GRIK2: variants seen among roughly 807,000 people sequenced by gnomAD.
GRIK2 encodes glutamate ionotropic receptor kainate type subunit 2.
GRIK2 carries 32 observed loss-of-function variants against 100.3 expected under a neutral mutation model. The observed-to-expected ratio is 0.32, with a 90% confidence interval of 0.24 to 0.43. The LOEUF is 0.43. Among genes scored for constraint, GRIK2 ranks in the 20% least tolerant of loss-of-function variants. The pLI, the probability that GRIK2 is intolerant of heterozygous loss-of-function variation, is 1.00. For missense variants in GRIK2, 843 were observed against 1,114.9 expected (o/e 0.76, Z 3.47); for synonymous variants, 417 against 389.4 (o/e 1.07, Z -0.83).
Position 101,594,281 on chromosome 6 carries a change from G to A in GRIK2, c.116-27668G>A, listed in dbSNP as rs565674650. Among the ~76,000 whole-genome samples, 10 of 151,854 alleles carry A rather than the reference G, an allele frequency of 6.6e-5. No homozygotes were observed. The South Asian group carries it at 1.9e-3, about 28-fold the overall frequency. On this transcript the variant is annotated intron_variant, in intron 2 of 16. Coordinates refer to ENST00000369134, the MANE Select transcript of GRIK2 (RefSeq NM_021956.5). Reference sequence around the variant, plus strand: ...AATGGGGTTGGAATAGATGATCTCCGAATTTTCTTTCAGAGAGTAAATACA... The same window carrying A: ...AATGGGGTTGGAATAGATGATCTCCAAATTTTCTTTCAGAGAGTAAATACA...
chr6:101,920,849 A>T (rs1296255503), intron 12 of GRIK2, among the ~76,000 whole-genome samples: 2 of 151,776 alleles, frequency 1.3e-5, no homozygotes, highest in Non-Finnish European at 2.9e-5. Flanking sequence ...TAAAGTCTGG[A>T]TATTTTATAT....
chr6:101,624,335 C>G (rs577109465), intron 3 of GRIK2, among the ~76,000 whole-genome samples: 1 of 152,038 alleles, frequency 6.6e-6, no homozygotes, highest in Non-Finnish European at 1.5e-5. Flanking sequence ...ATTAAAATCT[C>G]ATGTTGAGTG....
At chr6:101,960,973 A>T (rs971061834) in intron 14 of GRIK2, among the ~76,000 whole-genome samples, 1 of 152,134 alleles carries the variant, frequency 6.6e-6, no homozygotes, top group African/African-American at 2.4e-5. Flanking sequence ...AAAGCTGGGC[A>T]GAGCTGGACC....
chr6:101,439,599 G>A (rs529975092), intron 2 of GRIK2, among the ~76,000 whole-genome samples: 22 of 152,104 alleles, frequency 1.4e-4, no homozygotes, highest in African/African-American at 5.1e-4. Context: ...ATGCAATATT[G>A]ACTTCAATAA....
chr6:101,825,389 TA>T (rs1267070328), intron 10 of GRIK2, among the ~76,000 whole-genome samples: 1 of 152,122 alleles, frequency 6.6e-6, no homozygotes, highest in Non-Finnish European at 1.5e-5. Context: ...TCCACAAAGC[TA>T]GTCAAATATA....
At chr6:101,751,728 T>A (rs1776800466) in intron 7 of GRIK2, among the ~76,000 whole-genome samples, 1 of 152,206 alleles carries the variant, frequency 6.6e-6, no homozygotes, top group Non-Finnish European at 1.5e-5. Context: ...TTCAACATGT[T>A]CATCTGTCCT....
chr6:101,451,150 G>A (rs73761336), intron 2 of GRIK2, among the ~76,000 whole-genome samples: 94 of 151,662 alleles, frequency 6.2e-4, no homozygotes, highest in African/African-American at 2.1e-3. Context: ...CTTATCCTGC[G>A]GAAATTCTAC....
intron 2 of GRIK2, among the ~76,000 whole-genome samples, chr6:101,520,799 C>T (rs867201970): frequency 1.3e-5 from 2 of 152,082 alleles, no homozygotes; most frequent in African/African-American, 4.8e-5. Context: ...TGCAATGGCA[C>T]ATGACATGAT....
chr6:101,640,911 A>G (rs1781250568), intron 4 of GRIK2, among the ~76,000 whole-genome samples: 2 of 152,164 alleles, frequency 1.3e-5, no homozygotes, highest in African/African-American at 4.8e-5. Flanking sequence ...ATCATTTTGT[A>G]TGTAAAACAA....
At chr6:101,581,244 G>T (rs914556531) in intron 2 of GRIK2, among the ~76,000 whole-genome samples, 3 of 150,524 alleles carry the variant, frequency 2.0e-5, no homozygotes, top group Non-Finnish European at 4.4e-5. Context: ...ACATATATGT[G>T]TATATATACA....
chr6:101,874,423 T>C lies in GRIK2; in HGVS notation c.1524+14930T>C, dbSNP rs541200388. On this transcript the variant is annotated intron_variant, in intron 11 of 16. Transcript: ENST00000369134. Reference sequence around the variant, plus strand: ...AATGGTTGTTGATGTGTGGTATTATTTGTGCGGGCTGCGTTCTGTTCCATT... The same window carrying C: ...AATGGTTGTTGATGTGTGGTATTATCTGTGCGGGCTGCGTTCTGTTCCATT... Among the ~76,000 whole-genome samples the C allele has an allele frequency of 1.6e-4, 25 of 152,286 alleles. No homozygotes were observed. The South Asian group carries it at 5.2e-3, about 32-fold the overall frequency.
intron 2 of GRIK2, among the ~76,000 whole-genome samples, chr6:101,531,321 G>T (rs983335506): frequency 1.3e-5 from 2 of 151,758 alleles, no homozygotes; most frequent in African/African-American, 4.8e-5. Context: ...AAAGGACCAG[G>T]TCTCATCGTA....
In GRIK2 at chr6:101,961,046, G is replaced by T. The variant is rs146037308; in HGVS notation, c.2085+32414G>T. Among the ~76,000 whole-genome samples, 15 of 152,280 alleles carry T rather than the reference G, an allele frequency of 9.9e-5. 1 individual carries two copies. The highest frequency in any genetic ancestry group is 2.9e-4 in the African/African-American group (12 of 41,564). ...TGTATCCACCTTGACTGGAGTGACA[G>T]GGAGAGGTTATAGTGAAAGCCTCCC... On this transcript the variant is annotated intron_variant, in intron 14 of 16. Coordinates refer to ENST00000369134, the MANE Select transcript of GRIK2 (RefSeq NM_021956.5).
At chr6:101,426,926 T>G (rs1769055901) in intron 2 of GRIK2, among the ~76,000 whole-genome samples, 1 of 152,196 alleles carries the variant, frequency 6.6e-6, no homozygotes, top group African/African-American at 2.4e-5. Flanking sequence ...CAATATGCTA[T>G]GTTTTCTTTA....
intron 4 of GRIK2, among the ~76,000 whole-genome samples, chr6:101,639,122 C>T (rs547528733): frequency 6.6e-6 from 1 of 152,282 alleles, no homozygotes; most frequent in East Asian, 1.9e-4. Context: ...TCACTGCAAC[C>T]CCCACCTTCC....
intron 2 of GRIK2, among the ~76,000 whole-genome samples, chr6:101,455,736 A>G (rs2128250713): frequency 6.6e-6 from 1 of 152,214 alleles, no homozygotes; most frequent in South Asian, 2.1e-4. Flanking sequence ...ATGACATAAA[A>G]CCAGATTAAT....
chr6:102,057,430 T>C (rs909866271), intron 16 of GRIK2, among the ~76,000 whole-genome samples: 4 of 152,026 alleles, frequency 2.6e-5, no homozygotes. Context: ...TCGTGCTTCA[T>C]TGTTATTACG....
chr6:101,909,523 A>G (rs907213206), intron 12 of GRIK2, among the ~76,000 whole-genome samples: 1 of 150,842 alleles, frequency 6.6e-6, no homozygotes, highest in African/African-American at 2.4e-5. Context: ...TAAATAACTG[A>G]TAGCTCAAAG....
At position 101,868,419 on chromosome 6, in the gene GRIK2, G is replaced by A. The variant is rs551779064; in HGVS notation, c.1524+8926G>A. On this transcript the variant is annotated intron_variant, in intron 11 of 16. Transcript: ENST00000369134. ...AAAAATTTTGTATGTAATTTAAATAGTAAATTTACAATGACACTATTGAAG... is the reference window on the plus strand; with the variant it reads ...AAAAATTTTGTATGTAATTTAAATAATAAATTTACAATGACACTATTGAAG... Among the ~76,000 whole-genome samples, 7 of 151,802 alleles carry A rather than the reference G, an allele frequency of 4.6e-5. No homozygotes were observed. The South Asian group carries it at 1.5e-3, about 32-fold the overall frequency.
Sources: gnomAD v4.1 joint callset for allele counts (sites outside exome capture counted in the v4.1 genomes callset) on GRCh38, gnomAD v4.1.1 for gene constraint, MANE v1.5 for transcripts, NCBI Gene and HGNC (gene_info 2026-07-23, HGNC 2026-07-21) for gene names.